Variants in VOPP1 observed in about 807,000 individuals in gnomAD.
VOPP1 encodes the protein WW domain binding protein VOPP1.
Under a neutral mutation model 23.5 loss-of-function variants are expected in VOPP1, and 8 were observed. That is an observed-to-expected ratio of 0.34 (90% CI 0.20 to 0.61). VOPP1 has a LOEUF of 0.61. VOPP1 is among the 20% of genes least tolerant of loss of function. The pLI is 0.78. For synonymous variants in VOPP1, 83 were observed against 97.3 expected, an observed-to-expected ratio of 0.85 and a Z score of 0.86; for missense variants, 174 against 238.1, an observed-to-expected ratio of 0.73 and a Z score of 1.77.
chr7:55,471,425 T>C lies in VOPP1; in HGVS notation c.*1430A>G, dbSNP rs1439491606. The C allele has an allele frequency of 6.6e-6, 1 of 152,410 alleles. No homozygotes were observed. The highest frequency in any genetic ancestry group is 1.5e-5 in the Non-Finnish European group (1 of 68,044). 9.4% of individuals were successfully genotyped at this position (152,410 alleles called of 1,614,324 possible). A position where few individuals can be genotyped will look rare whatever the true frequency, so the allele number is the denominator to read the frequency against. ...TCCGTATCCACTTCCATGAGATGTC[T>C]TGATGCTCCAGTTCAATGAGTAACA... On this transcript the variant is annotated 3_prime_UTR_variant, in exon 5 of 5. Coordinates refer to ENST00000285279, the MANE Select transcript of VOPP1 (RefSeq NM_030796.5).
intron 4 of VOPP1, among the ~76,000 whole-genome samples, chr7:55,477,255 G>T (rs563784400): frequency 2.0e-5 from 3 of 152,328 alleles, no homozygotes; most frequent in Non-Finnish European, 2.9e-5. Flanking sequence ...TGAGCCTTCT[G>T]AACACGAGGA....
chr7:55,541,267 T>C (rs542558397), intron 1 of VOPP1, among the ~76,000 whole-genome samples: 66 of 152,348 alleles, frequency 4.3e-4, no homozygotes, highest in African/African-American at 1.5e-3. Flanking sequence ...TTAAATTCTA[T>C]CTTAATAAAC....
intron 4 of VOPP1, among the ~76,000 whole-genome samples, chr7:55,482,211 G>A (rs1327924402): frequency 6.6e-6 from 1 of 152,094 alleles, no homozygotes; most frequent in Non-Finnish European, 1.5e-5. Context: ...CGGGAGGAAG[G>A]GAATTGGACT....
chr7:55,508,851 T>C (rs1794894337), intron 2 of VOPP1, among the ~76,000 whole-genome samples: 1 of 152,152 alleles, frequency 6.6e-6, no homozygotes, highest in African/African-American at 2.4e-5. Context: ...AGTCTGCCTA[T>C]GAGTTCATAG....
chr7:55,521,473 A>T, intron 1 of VOPP1: 1 of 925,568 alleles, frequency 1.1e-6, no homozygotes, highest in Non-Finnish European at 1.3e-6. Context: ...AAGCACTGCA[A>T]AGATTGCCAC....
intron 4 of VOPP1, among the ~76,000 whole-genome samples, chr7:55,486,467 C>T (rs1012002471): frequency 6.6e-6 from 1 of 151,974 alleles, no homozygotes; most frequent in East Asian, 1.9e-4. Context: ...AGCACGGGGG[C>T]TGGAAAGAGA....
At chr7:55,440,873 C>T (rs1357803244) in intron 4 of VOPP1, among the ~76,000 whole-genome samples, 1 of 152,180 alleles carries the variant, frequency 6.6e-6, no homozygotes, top group Non-Finnish European at 1.5e-5. Flanking sequence ...CTGGCACAGT[C>T]GTCACACATG....
intron 1 of VOPP1, 73 bp downstream of exon 1, chr7:55,572,198 C>T (rs941795193): frequency 2.2e-6 from 3 of 1,339,844 alleles, no homozygotes; most frequent in Non-Finnish European, 3.0e-6. Flanking sequence ...TGGGGCGCCT[C>T]GGAACTGCGC....
At chr7:55,457,849 C>T (rs1236233773) in intron 4 of VOPP1, among the ~76,000 whole-genome samples, 3 of 151,866 alleles carry the variant, frequency 2.0e-5, no homozygotes, top group Admixed American at 2.0e-4. Flanking sequence ...ATATTAGTCC[C>T]TTGTTGGATA....
At chr7:55,520,982 T>TC (rs1405531590) in intron 2 of VOPP1, 90 bp downstream of exon 2, 1 of 1,405,894 alleles carries the variant, frequency 7.1e-7, no homozygotes, top group Non-Finnish European at 9.8e-7. Flanking sequence ...CGCCGGGCTT[T>TC]CCCCATCCCA....
intron 4 of VOPP1, among the ~76,000 whole-genome samples, chr7:55,483,349 T>C (rs1228411956): frequency 2.0e-5 from 3 of 152,274 alleles, no homozygotes; most frequent in Non-Finnish European, 4.4e-5. Flanking sequence ...TGCGAGGCAG[T>C]TGATAAGTGT....
At chr7:55,564,340 C>A (rs1386171494) in intron 1 of VOPP1, among the ~76,000 whole-genome samples, 1 of 151,750 alleles carries the variant, frequency 6.6e-6, no homozygotes. Flanking sequence ...CCCACCCTCT[C>A]CATAATGCCA....
At chr7:55,477,558 G>A (rs1427369714) in intron 4 of VOPP1, among the ~76,000 whole-genome samples, 2 of 152,164 alleles carry the variant, frequency 1.3e-5, no homozygotes, top group Non-Finnish European at 2.9e-5. Flanking sequence ...GCGGGAGTGT[G>A]GTCTTTGTAG....
intron 1 of VOPP1, among the ~76,000 whole-genome samples, chr7:55,540,097 T>C (rs919793187): frequency 6.6e-6 from 1 of 151,946 alleles, no homozygotes; most frequent in Non-Finnish European, 1.5e-5. Context: ...TCTGTTTAGC[T>C]CATAAAATAA....
chr7:55,528,342 T>C (rs1455345033), intron 1 of VOPP1, among the ~76,000 whole-genome samples: 1 of 152,248 alleles, frequency 6.6e-6, no homozygotes, highest in Non-Finnish European at 1.5e-5. Flanking sequence ...ATGATTGTTT[T>C]CCACTATACA....
At chr7:55,519,957 A>AT (rs1250189606) in intron 2 of VOPP1, among the ~76,000 whole-genome samples, 3 of 152,162 alleles carry the variant, frequency 2.0e-5, no homozygotes, top group Admixed American at 2.0e-4. Flanking sequence ...GTGAAACCCC[A>AT]TATCTACTAG....
intron 1 of VOPP1, among the ~76,000 whole-genome samples, chr7:55,533,800 G>T (rs946930070): frequency 6.6e-6 from 1 of 152,148 alleles, no homozygotes; most frequent in South Asian, 2.1e-4. Context: ...GGTGAACTTC[G>T]ATGATGTTGT....
At chr7:55,502,420 C>T (rs1794431563) in intron 2 of VOPP1, among the ~76,000 whole-genome samples, 1 of 152,232 alleles carries the variant, frequency 6.6e-6, no homozygotes. Flanking sequence ...ACCCTTTATG[C>T]TCCTTCCATG....
chr7:55,521,734 C>T (rs1327158251), intron 1 of VOPP1: 10 of 985,496 alleles, frequency 1.0e-5, no homozygotes, highest in Non-Finnish European at 1.2e-5. Flanking sequence ...CCCCACAGGG[C>T]AGGGCAGGGC....
Sources: allele counts gnomAD v4.1 joint callset (sites outside exome capture counted in the v4.1 genomes callset), GRCh38; gene constraint gnomAD v4.1.1; transcripts MANE v1.5; gene names NCBI Gene and HGNC (gene_info 2026-07-23, HGNC 2026-07-21).